Variants in OPCML observed in about 807,000 individuals in gnomAD.
OPCML encodes opioid-binding protein/cell adhesion molecule.
Under a neutral mutation model 37.8 loss-of-function variants are expected in OPCML, and 13 were observed. The ratio of observed to expected loss-of-function variants is 0.34; its 90% confidence interval spans 0.22 to 0.55. The LOEUF is 0.55. Ranked by LOEUF, OPCML falls within the 20% of genes least tolerant of loss-of-function variation. The pLI, the probability that OPCML is intolerant of heterozygous loss-of-function variation, is 0.91. For synonymous variants in OPCML, 176 were observed against 168.8 expected (o/e 1.04, Z -0.33); for missense variants, 341 against 435.6 (o/e 0.78, Z 1.93).
At chr11:132,749,320 T>A (rs1945752918) in intron 2 of OPCML, among the ~76,000 whole-genome samples, 2 of 152,130 alleles carry the variant, frequency 1.3e-5, no homozygotes, top group Admixed American at 6.5e-5. Flanking sequence ...TGACAGGCTG[T>A]AAGATATAAA....
intron 1 of OPCML, among the ~76,000 whole-genome samples, chr11:133,388,111 C>T (rs540894036): frequency 9.7e-4 from 147 of 152,194 alleles, no homozygotes; most frequent in African/African-American, 3.2e-3. Flanking sequence ...CTTAGAGGGC[C>T]GCTGCCAGAC....
chr11:133,373,538 T>C (rs1198651881), intron 1 of OPCML, among the ~76,000 whole-genome samples: 2 of 148,980 alleles, frequency 1.3e-5, no homozygotes, highest in African/African-American at 2.5e-5. Flanking sequence ...GGTGGGAGGA[T>C]CACCTGAGCC....
At chr11:133,209,694 G>C (rs765797491) in intron 1 of OPCML, among the ~76,000 whole-genome samples, 2 of 152,152 alleles carry the variant, frequency 1.3e-5, no homozygotes, top group Admixed American at 6.5e-5. Context: ...TCTATGAATG[G>C]TGTGTTGAAC....
chr11:133,049,610 T>A (rs1009909116), intron 1 of OPCML, among the ~76,000 whole-genome samples: 8 of 152,184 alleles, frequency 5.3e-5, no homozygotes, highest in African/African-American at 1.9e-4. Context: ...ATTCATGAAA[T>A]TGCATGTAAA....
At chr11:132,455,762 AATTCATTCATTCATTC>A (rs61139767) in intron 4 of OPCML, among the ~76,000 whole-genome samples, 2 of 150,434 alleles carry the variant, frequency 1.3e-5, no homozygotes, top group East Asian at 2.0e-4. Flanking sequence ...TTCTTTGTCA[AATTCATTCATTCATTC>A]ATTCATTCAT....
intron 2 of OPCML, among the ~76,000 whole-genome samples, chr11:132,935,297 G>A (rs994640450): frequency 5.9e-5 from 9 of 152,014 alleles, no homozygotes; most frequent in African/African-American, 2.2e-4. Flanking sequence ...TTCAGCATTG[G>A]CATTCACAAT....
intron 3 of OPCML, among the ~76,000 whole-genome samples, chr11:132,636,944 T>C (rs1940539448): frequency 6.6e-6 from 1 of 152,196 alleles, no homozygotes; most frequent in African/African-American, 2.4e-5. Flanking sequence ...AATACGTTAG[T>C]AGAAAAATGT....
intron 1 of OPCML, chr11:133,007,025 GA>G: frequency 2.0e-6 from 2 of 985,418 alleles, no homozygotes; most frequent in Non-Finnish European, 2.4e-6. Context: ...TAAAACAGGA[GA>G]GAGGAAAGGC....
At chr11:132,499,799 A>T (rs1368357513) in intron 4 of OPCML, among the ~76,000 whole-genome samples, 1 of 152,212 alleles carries the variant, frequency 6.6e-6, no homozygotes, top group Non-Finnish European at 1.5e-5. Context: ...AGCACAGCTC[A>T]TGTCCGTGAC....
At chr11:132,572,093 C>A (rs1233531650) in intron 3 of OPCML, among the ~76,000 whole-genome samples, 1 of 151,248 alleles carries the variant, frequency 6.6e-6, no homozygotes, top group African/African-American at 2.4e-5. Context: ...AAGTATTTAG[C>A]CCATTTTTAA....
chr11:132,871,891 C>A (rs994975826), intron 2 of OPCML, among the ~76,000 whole-genome samples: 2 of 152,130 alleles, frequency 1.3e-5, no homozygotes, highest in Non-Finnish European at 2.9e-5. Flanking sequence ...TCTGCCTTAC[C>A]TGGGGTCACT....
intron 2 of OPCML, among the ~76,000 whole-genome samples, chr11:132,835,863 C>T (rs575402386): frequency 6.6e-6 from 1 of 152,300 alleles, no homozygotes; most frequent in South Asian, 2.1e-4. Flanking sequence ...TCCAGAACAT[C>T]GTCCTGTATC....
intron 1 of OPCML, among the ~76,000 whole-genome samples, chr11:133,218,099 G>A (rs1372122565): frequency 6.6e-6 from 1 of 151,354 alleles, no homozygotes; most frequent in Non-Finnish European, 1.5e-5. Context: ...CCTGCTTCAC[G>A]CCGGGGTTTT....
At chr11:132,589,123 A>G (rs927298991) in intron 3 of OPCML, among the ~76,000 whole-genome samples, 2 of 152,316 alleles carry the variant, frequency 1.3e-5, no homozygotes, top group Non-Finnish European at 2.9e-5. Context: ...AATTTGGTAC[A>G]AAGATAGTCT....
intron 1 of OPCML, among the ~76,000 whole-genome samples, chr11:133,222,212 A>T (rs1939865900): frequency 6.6e-6 from 1 of 152,148 alleles, no homozygotes; most frequent in Non-Finnish European, 1.5e-5. Context: ...TGACCAGGTC[A>T]CCATGTGAAG....
At chr11:132,765,415 C>A (rs1427819574) in intron 2 of OPCML, among the ~76,000 whole-genome samples, 2 of 152,194 alleles carry the variant, frequency 1.3e-5, no homozygotes, top group South Asian at 2.1e-4. Flanking sequence ...GATTTCTAGA[C>A]CTGTGACATT....
intron 1 of OPCML, among the ~76,000 whole-genome samples, chr11:132,952,444 A>T (rs1945880854): frequency 6.6e-6 from 1 of 152,220 alleles, no homozygotes; most frequent in Non-Finnish European, 1.5e-5. Context: ...CAGGAAATCC[A>T]TGTGGAACCT....
chr11:133,180,965 C>G (rs564912133), intron 1 of OPCML, among the ~76,000 whole-genome samples: 1 of 152,106 alleles, frequency 6.6e-6, no homozygotes, highest in South Asian at 2.1e-4. Context: ...CGGGAAACAC[C>G]CCAGGTGTCC....
intron 1 of OPCML, among the ~76,000 whole-genome samples, chr11:133,061,206 T>G (rs1370340161): frequency 6.6e-6 from 1 of 152,204 alleles, no homozygotes; most frequent in Non-Finnish European, 1.5e-5. Flanking sequence ...TTTGGTTGAC[T>G]GCAAGAAGAT....
Sources: gnomAD v4.1 joint callset for allele counts (sites outside exome capture counted in the v4.1 genomes callset) on GRCh38, gnomAD v4.1.1 for gene constraint, MANE v1.5 for transcripts, NCBI Gene and HGNC (gene_info 2026-07-23, HGNC 2026-07-21) for gene names.